Variants in SEC24D observed in about 807,000 individuals in gnomAD.
The protein encoded by SEC24D is protein transport protein Sec24D.
A neutral mutation model predicts 116.9 loss-of-function variants in SEC24D; 69 were observed. That is an observed-to-expected ratio of 0.59 (90% CI 0.49 to 0.72). The LOEUF (loss-of-function observed/expected upper bound fraction) is 0.72. SEC24D is among the 30% of genes least tolerant of loss of function. The pLI is 0.00. For missense variants in SEC24D, 1,131 were observed against 1,264.1 expected (o/e 0.89, Z 1.60); for synonymous variants, 405 against 442.8 (o/e 0.91, Z 1.07).
intron 10 of SEC24D, chr4:118,764,543 C>T (rs569271173): frequency 8.8e-6 from 3 of 341,066 alleles, no homozygotes; most frequent in East Asian, 1.2e-4. Context: ...TTCTGTCTGG[C>T]AAGGACATAA....
chr4:118,789,173 C>A (rs763076725), intron 8 of SEC24D, among the ~76,000 whole-genome samples: 1 of 152,108 alleles, frequency 6.6e-6, no homozygotes, highest in Non-Finnish European at 1.5e-5. Flanking sequence ...CTTTAATAGC[C>A]CCAGAACCTG....
At chr4:118,741,544 A>G (rs915504557) in intron 15 of SEC24D, among the ~76,000 whole-genome samples, 1 of 152,182 alleles carries the variant, frequency 6.6e-6, no homozygotes, top group African/African-American at 2.4e-5. Flanking sequence ...CAACTAAGCA[A>G]CATTTATATA....
chr4:118,816,687 T>G, intron 4 of SEC24D: 1 of 333,892 alleles, frequency 3.0e-6, no homozygotes, highest in South Asian at 2.3e-5. Flanking sequence ...GAAACATTCT[T>G]CATCTAGATA....
At position 118,757,727 on chromosome 4, in the gene SEC24D, A is replaced by T. The variant is rs1370479216; in HGVS notation, c.1415T>A (p.Ile472Asn). 1 of 1,604,726 alleles carries T rather than the reference A, an allele frequency of 6.2e-7. No homozygotes were observed. Among genetic ancestry groups the T allele is most frequent in the Non-Finnish European group, 8.5e-7 (1 of 1,177,254 alleles). ...AGAATGACGGTTGCCTTACTTTGGA[A>T]TTTTTTCCAGCATGGTCTTCAGTTC... ...CEELKTMLEKIPKEEQEETSA... is the reference protein window; with the variant it reads ...CEELKTMLEKNPKEEQEETSA... The change falls in exon 11 of 23, where the codon ATT becomes AAT. Residue 472 changes from isoleucine to asparagine, a missense_variant. Physicochemically the swap from Ile to Asn is moderately radical, Grantham distance 149. Transcript: ENST00000280551.
chr4:118,775,345 CAA>C (rs55740002), intron 8 of SEC24D, among the ~76,000 whole-genome samples: 11 of 114,520 alleles, frequency 9.6e-5, no homozygotes, highest in African/African-American at 2.9e-4. Context: ...AGCAAAAGGT[CAA>C]AAAAAAAAAA....
Position 118,776,329 on chromosome 4 carries a change from GA to G in SEC24D, c.1042-8019del, listed in dbSNP as rs747427162. ...AATGCTTTAAAGCAAGCACAGCTGT[GA>G]CCTTTCTACCCAGGCCTCTAATGCC... On this transcript the variant is annotated intron_variant, in intron 8 of 22. Coordinates refer to ENST00000280551, the MANE Select transcript of SEC24D (RefSeq NM_014822.4). 2.6e-5 allele frequency among the ~76,000 whole-genome samples: 4 copies of G among 152,244 alleles called. No individual in the cohort carries two copies. The East Asian group carries it at 7.7e-4, about 29-fold the overall frequency.
chr4:118,808,355 A>G (rs1270395013), intron 6 of SEC24D, among the ~76,000 whole-genome samples: 3 of 152,228 alleles, frequency 2.0e-5, no homozygotes, highest in African/African-American at 7.2e-5. Context: ...ATAATGTATT[A>G]GTGTGCATAA....
Position 118,739,138 on chromosome 4 carries a change from C to A in SEC24D, c.2377+11G>T. ...AAGGTTTACTGAACCTCAGGATTGG[C>A]AAAGTGTTACCTGACTTGGCAAAGA... On this transcript the variant is annotated intron_variant, in intron 18 of 22. Coordinates refer to ENST00000280551, the MANE Select transcript of SEC24D (RefSeq NM_014822.4). 6.2e-7 allele frequency: 1 copy of A among 1,612,880 alleles called. No homozygotes were observed. The highest frequency in any genetic ancestry group is 1.3e-5 in the African/African-American group (1 of 74,994).
At position 118,815,629 on chromosome 4, in the gene SEC24D, C is replaced by T. The variant is rs1230851959; in HGVS notation, c.495G>A (p.Gln165=). The change falls in exon 5 of 23, where the codon CAG becomes CAA. Residue 165 remains glutamine, a synonymous_variant. Transcript: ENST00000280551. ...GTGGTGGAAGAACTTGAGATCCAGG[C>T]TGCAAAATGGAAGGCTGTGGAGGTC... ...PPRPPQPSIL[Q]PGSQVLPPPP... is the part of the protein sequence containing the mutation. 6.2e-7 allele frequency: 1 copy of T among 1,614,174 alleles called. No individual in the cohort carries two copies. Among genetic ancestry groups the T allele is most frequent in the Admixed American group, 1.7e-5 (1 of 60,022 alleles).
intron 19 of SEC24D, among the ~76,000 whole-genome samples, chr4:118,737,380 T>A (rs1726013115): frequency 6.6e-6 from 1 of 152,216 alleles, no homozygotes; most frequent in African/African-American, 2.4e-5. Flanking sequence ...AAGGAACTTT[T>A]ATGAAAAATC....
At chr4:118,730,712 TATTA>T (rs1187305347) in intron 21 of SEC24D, 1 of 152,424 alleles carries the variant, frequency 6.6e-6, no homozygotes, top group Admixed American at 6.5e-5. Flanking sequence ...TAGTCATTTG[TATTA>T]ATTTAACATC....
intron 8 of SEC24D, among the ~76,000 whole-genome samples, chr4:118,770,092 C>T (rs1246310656): frequency 6.6e-6 from 1 of 152,086 alleles, no homozygotes; most frequent in Non-Finnish European, 1.5e-5. Context: ...AGAGAATAAA[C>T]TTTCAGGGGA....
At chr4:118,737,209 T>C (rs1261307789) in intron 19 of SEC24D, among the ~76,000 whole-genome samples, 5 of 152,234 alleles carry the variant, frequency 3.3e-5, no homozygotes, top group Non-Finnish European at 7.3e-5. Flanking sequence ...TGAACTAGCA[T>C]GCTATGAAAT....
intron 8 of SEC24D, among the ~76,000 whole-genome samples, chr4:118,770,624 A>G (rs1727856922): frequency 6.6e-6 from 1 of 152,224 alleles, no homozygotes; most frequent in Admixed American, 6.5e-5. Flanking sequence ...CCCTGATTTT[A>G]GAAACCAAAT....
At chr4:118,823,728 C>T (rs998118935) in intron 3 of SEC24D, among the ~76,000 whole-genome samples, 4 of 152,206 alleles carry the variant, frequency 2.6e-5, no homozygotes, top group Non-Finnish European at 5.9e-5. Flanking sequence ...ATATTTCATA[C>T]ATCTTGGCTT....
rs113172249 is a variant in SEC24D, at chr4:118,775,039, T to C, written c.1042-6728A>G. ...AATCTGGCCCCTCAAGATCATTTCA[T>C]CCACAAGGGAGAAATATATTTTGTT... On this transcript the variant is annotated intron_variant, in intron 8 of 22. Coordinates refer to ENST00000280551, the MANE Select transcript of SEC24D (RefSeq NM_014822.4). Among the ~76,000 whole-genome samples the C allele has an allele frequency of 2.9e-3, 441 of 152,290 alleles. 3 individuals carry two copies. The highest frequency in any genetic ancestry group is 0.01 in the African/African-American group (421 of 41,560).
chr4:118,805,518 G>T (rs1729637202), intron 7 of SEC24D, among the ~76,000 whole-genome samples: 1 of 152,164 alleles, frequency 6.6e-6, no homozygotes, highest in Non-Finnish European at 1.5e-5. Context: ...TTACTGCTCT[G>T]CTCGTGCCAG....
rs1324895749 is a variant in SEC24D at position 118,732,727 on chromosome 4, GC to G, written c.2676+5del. On this transcript the variant is annotated splice_donor_5th_base_variant and intron_variant, in intron 20 of 22. Coordinates refer to ENST00000280551, the MANE Select transcript of SEC24D (RefSeq NM_014822.4). ...TCTGGGAAATGCACCACCCCAGCAT[GC>G]TTACTATGGGCAGAAGTTGTGGGTA... 1.2e-6 allele frequency: 2 copies of G among 1,613,102 alleles called. No homozygotes were observed. The highest frequency in any genetic ancestry group is 1.3e-5 in the African/African-American group (1 of 74,910).
At chr4:118,781,391 T>C (rs1277293679) in intron 8 of SEC24D, among the ~76,000 whole-genome samples, 5 of 152,244 alleles carry the variant, frequency 3.3e-5, no homozygotes, top group Non-Finnish European at 7.3e-5. Context: ...AAAATTCTTT[T>C]CTTTAAGAAT....
Sources: allele counts gnomAD v4.1 joint callset (sites outside exome capture counted in the v4.1 genomes callset), GRCh38; gene constraint gnomAD v4.1.1; transcripts MANE v1.5; gene names NCBI Gene and HGNC (gene_info 2026-07-23, HGNC 2026-07-21).